ACSM2B: variants seen among roughly 807,000 people sequenced by gnomAD.
ACSM2B encodes acyl-CoA synthetase medium chain family member 2B.
Under a neutral mutation model 78.6 loss-of-function variants are expected in ACSM2B, and 58 were observed. The ratio of observed to expected loss-of-function variants is 0.74; its 90% CI spans 0.60 to 0.92. The LOEUF is 0.92. ACSM2B is among the 40% of genes least tolerant of loss of function. ACSM2B has a pLI of 0.00. For synonymous variants in ACSM2B, 257 were observed against 256.8 expected (o/e 1.00, Z -0.01); for missense variants, 688 against 711.2 (o/e 0.97, Z 0.37).
At chr16:20,546,777 G>A in intron 8 of ACSM2B, 1 of 294,356 alleles carries the variant, frequency 3.4e-6, no homozygotes, top group Non-Finnish European at 6.0e-6. Flanking sequence ...GATACCCAAA[G>A]CCCTTGCAAA....
At chr16:20,555,232 T>C in intron 4 of ACSM2B, 37 bp downstream of exon 4, 1 of 1,613,132 alleles carries the variant, frequency 6.2e-7, no homozygotes, top group Non-Finnish European at 8.5e-7. Context: ...GTTTCCAGTT[T>C]TAGTTAAAAC....
In ACSM2B at chr16:20,559,545, GT is replaced by G. The variant is rs897717651; in HGVS notation, c.178-99del. ...GATTGCCAAGCTGGTGCTTAGTAAG[GT>G]TTTTTATCTCAGCACCTCCATACAA... On this transcript the variant is annotated intron_variant, in intron 2 of 13. Coordinates refer to ENST00000329697, the MANE Select transcript of ACSM2B (RefSeq NM_001105069.2). 23 of 1,455,636 alleles carry G rather than the reference GT, an allele frequency of 1.6e-5. No individual in the cohort carries two copies. The African/African-American group carries it at 3.2e-4, about 20-fold the overall frequency. 90.2% of individuals were successfully genotyped at this position (1,455,636 alleles called of 1,614,324 possible).
At position 20,548,425 on chromosome 16, in the gene ACSM2B, A is replaced by G. The variant is rs766152891; in HGVS notation, c.943T>C (p.Tyr315His). Residue 315 changes from tyrosine to histidine, a missense_variant, in exon 7 of 14, where the codon TAC (tyrosine) becomes CAC (histidine). Coordinates refer to ENST00000329697, the MANE Select transcript of ACSM2B (RefSeq NM_001105069.2). ...IKSMMGAPIV[Y>H]RMLLQQDLSS... ...AGATCCTGCTGTAGCAACATCCGGT[A>G]AACAATAGGGGCACCCATCATACTC... 34 of 1,613,570 alleles carry G rather than the reference A, an allele frequency of 2.1e-5. No individual in the cohort carries two copies. The highest frequency in any genetic ancestry group is 2.5e-6 in the Non-Finnish European group (3 of 1,179,748).
Position 20,542,951 on chromosome 16 carries a change from G to A in ACSM2B, c.1472C>T (p.Thr491Met), listed in dbSNP as rs370065320. Residue 491 changes from threonine to methionine, a missense_variant, in exon 12 of 14, where the codon ACG becomes ATG. Thr to Met is a moderately conservative substitution (Grantham distance 81). Transcript: ENST00000329697. ...ALMKHPAVVE[T>M]AVISSPDPVR... ...GGGGTCTGGGCTGCTGATCACAGCCGTCTCAACCACAGCAGGGTGCTTCAT... is the reference window on the plus strand; with the variant it reads ...GGGGTCTGGGCTGCTGATCACAGCCATCTCAACCACAGCAGGGTGCTTCAT... 164 of 1,613,696 alleles carry A rather than the reference G, an allele frequency of 1.0e-4. No homozygotes were observed. The East Asian group carries it at 1.2e-3, about 12-fold the overall frequency.
Position 20,560,206 on chromosome 16 carries a change from A to G in ACSM2B, c.178-759T>C, listed in dbSNP as rs1356324652. ...ATTAGGCCCTGATAAACACCATTCT[A>G]CTTTCCTACTCTATGAATTTGACTA... On this transcript the variant is annotated intron_variant, in intron 2 of 13. Coordinates refer to ENST00000329697, the MANE Select transcript of ACSM2B (RefSeq NM_001105069.2). Among the ~76,000 whole-genome samples the G allele has an allele frequency of 1.3e-5, 2 of 150,940 alleles. 1 individual carries two copies. Among genetic ancestry groups the G allele is most frequent in the Admixed American group, 1.3e-4 (2 of 15,256 alleles).
rs1373549278 is a variant in ACSM2B, at chr16:20,540,765, C to T, written c.1518G>A (p.Lys506=). ...ACTGCGAGGCCAGGATCACAAATGC[C>T]TTCACCACCTGCAAAATAGATGAAG... is the stretch of plus-strand genomic sequence containing the variant. The part of the protein sequence containing the change: ...SPDPVRGEVV[K]AFVILASQFL... The change falls in exon 13 of 14, where the codon AAG becomes AAA. Residue 506 remains lysine, a synonymous_variant. Transcript: ENST00000329697. 1 of 1,613,808 alleles carries T rather than the reference C, an allele frequency of 6.2e-7. No homozygotes were observed. Among genetic ancestry groups the T allele is most frequent in the African/African-American group, 1.3e-5 (1 of 75,000 alleles).
chr16:20,543,690 C>T (rs2015062605), intron 10 of ACSM2B, among the ~76,000 whole-genome samples: 1 of 152,090 alleles, frequency 6.6e-6, no homozygotes, highest in Non-Finnish European at 1.5e-5. Flanking sequence ...CAGGAAGCCC[C>T]CTGGGACCCT....
intron 13 of ACSM2B, among the ~76,000 whole-genome samples, chr16:20,537,996 G>A (rs2014890234): frequency 6.6e-6 from 1 of 152,098 alleles, no homozygotes; most frequent in Admixed American, 6.6e-5. Flanking sequence ...AGGAATGTTT[G>A]AAGTTGAGGA....
chr16:20,566,727 ATATATAG>A (rs1454617349), intron 1 of ACSM2B, among the ~76,000 whole-genome samples: 1,265 of 18,862 alleles, frequency 0.067, 97 homozygotes, highest in East Asian at 0.26. Context: ...AGTATATACT[ATATATAG>A]TATATACTAT....
At chr16:20,559,612 A>G (rs1012658319) in intron 2 of ACSM2B, among the ~76,000 whole-genome samples, 165 bp from the exon 3 acceptor site, 1 of 151,088 alleles carries the variant, frequency 6.6e-6, no homozygotes, top group Non-Finnish European at 1.5e-5. Context: ...TGTTATTTAT[A>G]TGAGTTATAT....
intron 10 of ACSM2B, chr16:20,544,528 A>C: frequency 1.1e-6 from 1 of 943,512 alleles, no homozygotes; most frequent in Non-Finnish European, 1.3e-6. Flanking sequence ...AGAAACTATT[A>C]TTATTTGATT....
intron 4 of ACSM2B, 26 bp downstream of exon 4, chr16:20,555,243 C>A: frequency 6.2e-7 from 1 of 1,613,584 alleles, no homozygotes; most frequent in East Asian, 2.2e-5. Flanking sequence ...TAGTTAAAAC[C>A]CAGGATGAGA....
intron 9 of ACSM2B, among the ~76,000 whole-genome samples, chr16:20,545,693 T>G (rs1300365239): frequency 2.6e-5 from 4 of 152,198 alleles, no homozygotes. Context: ...TTTCACAGGA[T>G]TTTTATAGGA....
At chr16:20,549,636 G>A (rs1299536256) in intron 6 of ACSM2B, 1 of 323,542 alleles carries the variant, frequency 3.1e-6, no homozygotes, top group African/African-American at 2.3e-5. Flanking sequence ...TTTATTCTGA[G>A]CCAAACATGA....
rs751182638 is a variant in ACSM2B at position 20,545,196 on chromosome 16, G to C, written c.1242C>G (p.Val414=). The change falls in exon 10 of 14, where the codon GTC becomes GTG. Residue 414 remains valine, a synonymous_variant. Transcript: ENST00000329697. The stretch of plus-strand genomic sequence containing the variant: ...AGATGCCTATAGGCCTGATGGGTTT[G>C]ACCCTGATGCCAATGTCTCCTTCTG... ...PGTEGDIGIR[V]KPIRPIGIFS... 6.8e-6 allele frequency: 11 copies of C among 1,613,914 alleles called. No homozygotes were observed. In the South Asian group the frequency reaches 1.2e-4, roughly 18 times the overall value.
intron 10 of ACSM2B, among the ~76,000 whole-genome samples, chr16:20,544,368 G>C (rs2015077859): frequency 6.6e-6 from 1 of 152,198 alleles, no homozygotes; most frequent in Non-Finnish European, 1.5e-5. Context: ...TAGTAGAGCA[G>C]GGTTTTGAAC....
rs540405512 is a variant in ACSM2B, at chr16:20,556,466, G to A, written c.389-990C>T. ...AAAATACAAAAATTATCTGGGCTTG[G>A]TGGCACACGCCTGTAATCCCAGCTA... is the stretch of plus-strand genomic sequence containing the variant. On this transcript the variant is annotated intron_variant, in intron 3 of 13. Transcript: ENST00000329697. 1.6e-4 allele frequency among the ~76,000 whole-genome samples: 24 copies of A among 152,266 alleles called. No homozygotes were observed. In the East Asian group the frequency reaches 2.7e-3, roughly 17 times the overall value.
chr16:20,574,596 T>C (rs1317334244), intron 1 of ACSM2B: 1 of 151,270 alleles, frequency 6.6e-6, no homozygotes, highest in Non-Finnish European at 1.5e-5. Flanking sequence ...ACAATTTATG[T>C]TCTTCTGCCT....
At chr16:20,547,414 G>T in intron 8 of ACSM2B, 1 of 985,118 alleles carries the variant, frequency 1.0e-6, no homozygotes, top group Non-Finnish European at 1.2e-6. Flanking sequence ...AAGGATGCAG[G>T]GTAAGAGAGT....
Sources: allele counts gnomAD v4.1 joint callset (sites outside exome capture counted in the v4.1 genomes callset), GRCh38; gene constraint gnomAD v4.1.1; transcripts MANE v1.5; gene names NCBI Gene and HGNC (gene_info 2026-07-23, HGNC 2026-07-21).